HS3ST3A1: variants seen among roughly 807,000 people sequenced by gnomAD.
HS3ST3A1 encodes the protein heparan sulfate glucosamine 3-O-sulfotransferase 3A1.
HS3ST3A1 carries 19 observed loss-of-function variants against 25.7 expected under a neutral mutation model. The ratio of observed to expected loss-of-function variants is 0.74; its 90% confidence interval spans 0.52 to 1.08. The LOEUF is 1.08. Ranked by LOEUF, HS3ST3A1 falls within the 50% of genes least tolerant of loss-of-function variation. The pLI, the probability that HS3ST3A1 is intolerant of heterozygous loss-of-function variation, is 0.00. For synonymous variants in HS3ST3A1, 226 were observed against 278.6 expected (o/e 0.81, Z 1.88); for missense variants, 459 against 594.3 (o/e 0.77, Z 2.37).
intron 1 of HS3ST3A1, among the ~76,000 whole-genome samples, chr17:13,577,874 G>A (rs538894681): frequency 3.3e-5 from 5 of 152,248 alleles, no homozygotes; most frequent in Admixed American, 2.0e-4. Flanking sequence ...TCTGGTGTGT[G>A]TGTGTGTGTG....
intron 1 of HS3ST3A1, among the ~76,000 whole-genome samples, chr17:13,549,271 G>A (rs1907177085): frequency 6.6e-6 from 1 of 152,074 alleles, no homozygotes; most frequent in East Asian, 1.9e-4. Flanking sequence ...CCAACCCACT[G>A]GAAAGAAGAA....
Position 13,600,926 on chromosome 17 carries a change from G to T in HS3ST3A1, c.204C>A (p.Gly68=). ...GGGEEAGAPG[G]GVLAGGPREL... is the part of the protein sequence containing the mutation. ...CCCTCGGGCCTCCGGCCAGGACGCC[G>T]CCACCAGGGGCCCCCGCCTCCTCGC... is the stretch of plus-strand genomic sequence containing the variant. The change falls in exon 1 of 2, where the codon GGC becomes GGA. Residue 68 remains glycine (G), a synonymous_variant. Transcript: ENST00000284110. 6.5e-6 allele frequency: 10 copies of T among 1,528,974 alleles called. No homozygotes were observed. Among genetic ancestry groups the T allele is most frequent in the Non-Finnish European group, 8.8e-6 (10 of 1,138,796 alleles). 94.7% of individuals were successfully genotyped at this position (1,528,974 alleles called of 1,614,324 possible).
intron 1 of HS3ST3A1, among the ~76,000 whole-genome samples, chr17:13,509,645 T>C (rs904823350): frequency 4.0e-5 from 6 of 151,632 alleles, no homozygotes; most frequent in African/African-American, 1.5e-4. Flanking sequence ...AGCAAGAAGA[T>C]AGAAGAAAAA....
intron 1 of HS3ST3A1, among the ~76,000 whole-genome samples, chr17:13,565,418 G>T (rs58864146): frequency 0.012 from 1,772 of 152,210 alleles, 35 homozygotes; most frequent in African/African-American, 0.041. Context: ...TGTAGTCCCA[G>T]CTACTCCAGA....
At chr17:13,585,152 C>T (rs1908217243) in intron 1 of HS3ST3A1, among the ~76,000 whole-genome samples, 1 of 148,150 alleles carries the variant, frequency 6.7e-6, no homozygotes, top group Admixed American at 6.8e-5. Context: ...ACCATTTAGC[C>T]GCCAATTACA....
intron 1 of HS3ST3A1, among the ~76,000 whole-genome samples, chr17:13,572,763 G>T (rs146246069): frequency 1.6e-4 from 25 of 152,348 alleles, no homozygotes; most frequent in African/African-American, 4.3e-4. Flanking sequence ...TTTTTACCAT[G>T]TGCAAGGCAC....
At chr17:13,508,103 CA>C in intron 1 of HS3ST3A1, among the ~76,000 whole-genome samples, 1 of 151,438 alleles carries the variant, frequency 6.6e-6, no homozygotes, top group South Asian at 2.2e-4. Flanking sequence ...TTCTAAGAAC[CA>C]AATCATCATC....
Position 13,600,808 on chromosome 17 carries a change from C to T in HS3ST3A1, c.322G>A (p.Gly108Ser), listed in dbSNP as rs1226526799. 6 of 1,417,612 alleles carry T rather than the reference C, an allele frequency of 4.2e-6. No individual in the cohort carries two copies. The highest frequency in any genetic ancestry group is 1.5e-5 in the African/African-American group (1 of 65,856). The allele number at this position is 1,417,612 out of a possible 1,614,324, so 87.8% of individuals were successfully genotyped here. The change falls in exon 1 of 2, where the codon GGC becomes AGC. Residue 108 changes from glycine (G) to serine (S), a missense_variant. Gly to Ser is a moderately conservative substitution (Grantham distance 56). This residue lies in a region of HS3ST3A1 where 346 missense variants were observed against 303.9 expected (regional missense o/e 1.14). Coordinates refer to ENST00000284110, the MANE Select transcript of HS3ST3A1 (RefSeq NM_006042.3). ...TCTTCTTCCCAGGCCGCCTCCTCGCCGTCGTCGCGGGGCGCGGGCGGCCGG... is the reference window on the plus strand; with the variant it reads ...TCTTCTTCCCAGGCCGCCTCCTCGCTGTCGTCGCGGGGCGCGGGCGGCCGG... ...RRRPPAPRDD[G>S]EEAAWEEESP... is the part of the protein sequence containing the mutation.
At position 13,565,970 on chromosome 17, in the gene HS3ST3A1, A is replaced by C. The variant is rs1199385572; in HGVS notation, c.599+34561T>G. 3.9e-5 allele frequency among the ~76,000 whole-genome samples: 6 copies of C among 152,140 alleles called. No homozygotes were observed. The East Asian group carries it at 1.2e-3, about 29-fold the overall frequency. On this transcript the variant is annotated intron_variant, in intron 1 of 1. Coordinates refer to ENST00000284110, the MANE Select transcript of HS3ST3A1 (RefSeq NM_006042.3). ...TTTAAGAAGTTTCTCAAATCTTTTC[A>C]TTGTTAACGTTTTTCAGCTGTTTTC...
intron 1 of HS3ST3A1, among the ~76,000 whole-genome samples, chr17:13,570,570 C>T (rs1567626354): frequency 1.3e-5 from 2 of 152,190 alleles, no homozygotes; most frequent in Non-Finnish European, 1.5e-5. Context: ...GCCTCAACCT[C>T]CTAGGCTCAA....
At chr17:13,590,110 C>T (rs1908381624) in intron 1 of HS3ST3A1, among the ~76,000 whole-genome samples, 1 of 152,148 alleles carries the variant, frequency 6.6e-6, no homozygotes, top group Non-Finnish European at 1.5e-5. Context: ...CCTGTCCATA[C>T]TCAGATTTCT....
At chr17:13,585,440 T>C (rs1169596484) in intron 1 of HS3ST3A1, among the ~76,000 whole-genome samples, 1 of 151,518 alleles carries the variant, frequency 6.6e-6, no homozygotes, top group Non-Finnish European at 1.5e-5. Context: ...CCTCAGGTGA[T>C]CCACCCGCCT....
chr17:13,546,904 T>C (rs1907104618), intron 1 of HS3ST3A1, among the ~76,000 whole-genome samples: 1 of 152,068 alleles, frequency 6.6e-6, no homozygotes, highest in Non-Finnish European at 1.5e-5. Flanking sequence ...GTTTAATCTT[T>C]ACTCTAAAAC....
intron 1 of HS3ST3A1, among the ~76,000 whole-genome samples, chr17:13,542,391 T>C (rs930713427): frequency 1.7e-4 from 25 of 150,672 alleles, no homozygotes; most frequent in African/African-American, 5.9e-4. Flanking sequence ...TCCAACAGAA[T>C]TGGTGTTCTT....
chr17:13,573,465 C>T (rs1907869954), intron 1 of HS3ST3A1, among the ~76,000 whole-genome samples: 1 of 152,142 alleles, frequency 6.6e-6, no homozygotes, highest in Non-Finnish European at 1.5e-5. Context: ...TTCCACACCA[C>T]CATGCTGCAA....
intron 1 of HS3ST3A1, among the ~76,000 whole-genome samples, chr17:13,532,056 G>A (rs11078163): frequency 0.44 from 67,319 of 151,966 alleles, 16,577 homozygotes; most frequent in African/African-American, 0.67. Context: ...TTGAATTAGC[G>A]GCTGGTAGTT....
At chr17:13,598,087 T>A (rs1317755627) in intron 1 of HS3ST3A1, among the ~76,000 whole-genome samples, 1 of 152,164 alleles carries the variant, frequency 6.6e-6, no homozygotes, top group Non-Finnish European at 1.5e-5. Flanking sequence ...TATCTGGAAT[T>A]TATTTCTGTT....
intron 1 of HS3ST3A1, among the ~76,000 whole-genome samples, chr17:13,572,284 A>AG (rs1907837681): frequency 6.6e-6 from 1 of 152,192 alleles, no homozygotes; most frequent in Non-Finnish European, 1.5e-5. Flanking sequence ...GTCCTAAAGA[A>AG]GGGAACTGAC....
chr17:13,557,546 G>A (rs1907415872), intron 1 of HS3ST3A1, among the ~76,000 whole-genome samples: 1 of 152,092 alleles, frequency 6.6e-6, no homozygotes, highest in East Asian at 1.9e-4. Flanking sequence ...ATCAAACAGA[G>A]ATGAAATTGG....
Sources: allele counts gnomAD v4.1 joint callset (sites outside exome capture counted in the v4.1 genomes callset), GRCh38; gene constraint gnomAD v4.1.1; regional missense constraint gnomAD v4.1.1; transcripts MANE v1.5; gene names NCBI Gene and HGNC (gene_info 2026-07-23, HGNC 2026-07-21).